RNGTT: variants seen among roughly 807,000 people sequenced by gnomAD.
RNGTT encodes RNA guanylyltransferase and 5'-phosphatase.
In RNGTT, 33 loss-of-function variants were observed where a neutral mutation model predicts 79.3. The observed-to-expected ratio is 0.42, with a 90% confidence interval of 0.32 to 0.56. The LOEUF (loss-of-function observed/expected upper bound fraction) is 0.56. RNGTT is among the 20% of genes least tolerant of loss of function. The pLI, the probability that RNGTT is intolerant of heterozygous loss-of-function variation, is 0.17. For missense variants in RNGTT, 497 were observed against 739.1 expected, an observed-to-expected ratio of 0.67 and a Z score of 3.80; for synonymous variants, 222 against 235.9, an observed-to-expected ratio of 0.94 and a Z score of 0.54.
chr6:88,689,329 G>C (rs1290024016), intron 13 of RNGTT, among the ~76,000 whole-genome samples: 4 of 152,108 alleles, frequency 2.6e-5, no homozygotes, highest in Non-Finnish European at 5.9e-5. Flanking sequence ...GCCAGGTGTG[G>C]TGGCTCACAC....
chr6:88,821,996 A>C (rs78387924), intron 11 of RNGTT, among the ~76,000 whole-genome samples: 1 of 152,174 alleles, frequency 6.6e-6, no homozygotes, highest in Non-Finnish European at 1.5e-5. Flanking sequence ...AACAAATGGG[A>C]AAAGCTGATA....
chr6:88,823,789 ATGT>A (rs1780570925), intron 11 of RNGTT, among the ~76,000 whole-genome samples: 1 of 152,160 alleles, frequency 6.6e-6, no homozygotes, highest in Admixed American at 6.5e-5. Flanking sequence ...TCTAAATAAA[ATGT>A]TGTTGGAAAA....
At chr6:88,959,110 G>T (rs1785530063) in intron 1 of RNGTT, among the ~76,000 whole-genome samples, 1 of 152,002 alleles carries the variant, frequency 6.6e-6, no homozygotes, top group South Asian at 2.1e-4. Flanking sequence ...ACTCAGGAAT[G>T]GAAACCCAAA....
intron 11 of RNGTT, among the ~76,000 whole-genome samples, chr6:88,836,154 T>C (rs1216222879): frequency 1.3e-5 from 2 of 150,484 alleles, no homozygotes; most frequent in Non-Finnish European, 3.0e-5. Context: ...GTTCACCATA[T>C]GAAAGTATGA....
Position 88,864,081 on chromosome 6 carries a change from C to T in RNGTT, c.897-10317G>A, listed in dbSNP as rs1168836431. On this transcript the variant is annotated intron_variant, in intron 8 of 15. Coordinates refer to ENST00000369485, the MANE Select transcript of RNGTT (RefSeq NM_003800.5). ...CTAAGCCCATGTAGCTATACTACTA[C>T]ACCAGCCTGTCTCAAAATACATATC... is the stretch of plus-strand genomic sequence containing the variant. Among the ~76,000 whole-genome samples, 3 of 152,142 alleles carry T rather than the reference C, an allele frequency of 2.0e-5. No individual in the cohort carries two copies. In the East Asian group the frequency reaches 5.8e-4, roughly 29 times the overall value.
chr6:88,935,181 G>C (rs1047756825), intron 2 of RNGTT, among the ~76,000 whole-genome samples: 2 of 152,068 alleles, frequency 1.3e-5, no homozygotes, highest in South Asian at 4.2e-4. Flanking sequence ...ATTTATTAAA[G>C]AGTGTCCTGT....
intron 1 of RNGTT, among the ~76,000 whole-genome samples, chr6:88,956,197 G>A (rs1310889638): frequency 1.3e-5 from 2 of 150,632 alleles, no homozygotes; most frequent in Admixed American, 6.6e-5. Context: ...AAATATAAAA[G>A]ATCATTCAAT....
chr6:88,758,988 T>C (rs1203565970), intron 13 of RNGTT, among the ~76,000 whole-genome samples: 4 of 152,350 alleles, frequency 2.6e-5, no homozygotes, highest in Middle Eastern at 3.4e-3. Context: ...ATTAACTCCA[T>C]TGATTATTCT....
chr6:88,647,715 A>AAAAAAAAAAAAAAAAAAAAAAAAAAGAAG (rs531898293), intron 14 of RNGTT, among the ~76,000 whole-genome samples: 2 of 142,442 alleles, frequency 1.4e-5, no homozygotes, highest in African/African-American at 6.0e-5. Flanking sequence ...AAAAAAAAAA[A>AAAAAAAAAAAAAAAAAAAAAAAAAAGAAG]AAGAAGAAGA....
intron 11 of RNGTT, among the ~76,000 whole-genome samples, chr6:88,810,415 G>A (rs1780098574): frequency 6.6e-6 from 1 of 152,186 alleles, no homozygotes; most frequent in Non-Finnish European, 1.5e-5. Flanking sequence ...AAGTCGCTGA[G>A]ATGAAAATTT....
intron 13 of RNGTT, among the ~76,000 whole-genome samples, chr6:88,683,216 T>C (rs183502186): frequency 4.6e-5 from 7 of 152,184 alleles, no homozygotes; most frequent in African/African-American, 1.2e-4. Flanking sequence ...AATAATTGAA[T>C]TGATTCTGAA....
At chr6:88,746,617 G>A (rs1022715849) in intron 13 of RNGTT, among the ~76,000 whole-genome samples, 2 of 152,122 alleles carry the variant, frequency 1.3e-5, no homozygotes, top group African/African-American at 2.4e-5. Context: ...AGTTCACGAT[G>A]GGGTTTGTGC....
intron 8 of RNGTT, among the ~76,000 whole-genome samples, chr6:88,855,413 G>C (rs2127909270): frequency 6.6e-6 from 1 of 151,812 alleles, no homozygotes; most frequent in South Asian, 2.1e-4. Context: ...ATGGAAAAGA[G>C]CAGCATGGAA....
chr6:88,721,195 T>C (rs1776698393), intron 13 of RNGTT, among the ~76,000 whole-genome samples: 1 of 152,112 alleles, frequency 6.6e-6, no homozygotes, highest in Admixed American at 6.6e-5. Flanking sequence ...TATGAATTGA[T>C]CACTTCCAAA....
chr6:88,941,715 G>A (rs1784854194), intron 1 of RNGTT, among the ~76,000 whole-genome samples: 2 of 148,778 alleles, frequency 1.3e-5, no homozygotes, highest in South Asian at 4.2e-4. Flanking sequence ...CCAGGCTGAA[G>A]TGCAGTGGCG....
At chr6:88,691,618 T>C (rs1197445027) in intron 13 of RNGTT, among the ~76,000 whole-genome samples, 1 of 152,182 alleles carries the variant, frequency 6.6e-6, no homozygotes, top group Non-Finnish European at 1.5e-5. Context: ...AAAGGCATGT[T>C]AGGGCCTCTA....
At chr6:88,866,036 C>T (rs1465346452) in intron 8 of RNGTT, among the ~76,000 whole-genome samples, 1 of 152,120 alleles carries the variant, frequency 6.6e-6, no homozygotes, top group African/African-American at 2.4e-5. Context: ...AGTCTCCACC[C>T]TCTACAAATT....
chr6:88,701,324 C>G (rs891360156), intron 13 of RNGTT, among the ~76,000 whole-genome samples: 1 of 152,050 alleles, frequency 6.6e-6, no homozygotes, highest in Non-Finnish European at 1.5e-5. Context: ...TCTTTGATCA[C>G]ATTTTCACAA....
chr6:88,904,020 T>A (rs1783561187), intron 6 of RNGTT, among the ~76,000 whole-genome samples: 1 of 152,158 alleles, frequency 6.6e-6, no homozygotes, highest in Non-Finnish European at 1.5e-5. Context: ...CATGAAAGCA[T>A]CACCCAGGGA....
Sources: gnomAD v4.1 joint callset for allele counts (sites outside exome capture counted in the v4.1 genomes callset) on GRCh38, gnomAD v4.1.1 for gene constraint, MANE v1.5 for transcripts, NCBI Gene and HGNC (gene_info 2026-07-23, HGNC 2026-07-21) for gene names.